Variants in USO1 observed in about 807,000 individuals in gnomAD.
USO1 encodes the protein general vesicular transport factor p115.
Under a neutral mutation model 124.5 loss-of-function variants are expected in USO1, and 57 were observed. The observed-to-expected ratio is 0.46, with a 90% CI of 0.37 to 0.57. The LOEUF is 0.57. Ranked by LOEUF, USO1 falls within the 20% of genes least tolerant of loss-of-function variation. The pLI is 0.00. For missense variants in USO1, 900 were observed against 1,040.6 expected, an observed-to-expected ratio of 0.86 and a Z score of 1.86; for synonymous variants, 369 against 362.8, an observed-to-expected ratio of 1.02 and a Z score of -0.19.
rs1209793167 is a variant in USO1 at position 75,776,441 on chromosome 4, T to C, written c.676+1645T>C. Among the ~76,000 whole-genome samples, 59 of 152,146 alleles carry C rather than the reference T, an allele frequency of 3.9e-4. 1 individual carries two copies. Among genetic ancestry groups the C allele is most frequent in the Non-Finnish European group, 2.9e-4 (20 of 68,024 alleles). The stretch of plus-strand genomic sequence containing the variant: ...AATGGAAGAGGGGAAATGCAAACTA[T>C]TGTAAAATGAAAAACTGGGAAAGCA... On this transcript the variant is annotated intron_variant, in intron 8 of 23. Transcript: ENST00000514213.
chr4:75,789,233 G>T (rs1722460029), intron 10 of USO1, among the ~76,000 whole-genome samples: 1 of 151,970 alleles, frequency 6.6e-6, no homozygotes. Context: ...TCAGTTCTGA[G>T]GATGTTTTTG....
chr4:75,796,876 T>A (rs1330401680), intron 13 of USO1, among the ~76,000 whole-genome samples: 1 of 23,276 alleles, frequency 4.3e-5, no homozygotes, highest in Non-Finnish European at 2.2e-4. Context: ...GAGTTACAGA[T>A]TTTTTTTTTT....
At position 75,813,477 on chromosome 4, in the gene USO1, G is replaced by A. The variant is rs1032650607; in HGVS notation, c.*182G>A. 11 of 517,028 alleles carry A rather than the reference G, an allele frequency of 2.1e-5. No homozygotes were observed. The highest frequency in any genetic ancestry group is 2.0e-5 in the African/African-American group (1 of 50,338). 32.0% of individuals were successfully genotyped at this position (517,028 alleles called of 1,614,324 possible). On this transcript the variant is annotated 3_prime_UTR_variant, in exon 24 of 24. Transcript: ENST00000514213. Reference sequence around the variant, plus strand: ...TTGAAAACCTTAAAACTGAATTTATGTAGAACACACATCTTTTATTTAAAT... The same window carrying A: ...TTGAAAACCTTAAAACTGAATTTATATAGAACACACATCTTTTATTTAAAT...
chr4:75,808,418 A>C (rs746197880), intron 20 of USO1, among the ~76,000 whole-genome samples: 1 of 152,150 alleles, frequency 6.6e-6, no homozygotes, highest in Non-Finnish European at 1.5e-5. Context: ...TATTTCTTAA[A>C]TAGTCTTTTA....
chr4:75,770,281 T>C, intron 4 of USO1, 158 bp from the exon 5 acceptor site: 11 of 517,176 alleles, frequency 2.1e-5, no homozygotes, highest in Non-Finnish European at 3.4e-5. Context: ...TTTAAGGATA[T>C]AGCTTTACAT....
At chr4:75,795,646 G>A (rs534179762) in intron 13 of USO1, among the ~76,000 whole-genome samples, 160 of 152,006 alleles carry the variant, frequency 1.1e-3, no homozygotes, top group African/African-American at 3.7e-3. Context: ...GGTTTTTTGT[G>A]TTTTTTCTCC....
chr4:75,755,066 A>G (rs1376790504), intron 3 of USO1, among the ~76,000 whole-genome samples: 1 of 152,192 alleles, frequency 6.6e-6, no homozygotes, highest in Non-Finnish European at 1.5e-5. Context: ...CAGTTCCTCA[A>G]CATGTTTCTC....
At chr4:75,791,942 G>T (rs961046935) in intron 12 of USO1, among the ~76,000 whole-genome samples, 1 of 151,396 alleles carries the variant, frequency 6.6e-6, no homozygotes, top group African/African-American at 2.4e-5. Flanking sequence ...GTAATTTTTT[G>T]GAATGTTACC....
chr4:75,759,223 A>G (rs1411515917), intron 4 of USO1, among the ~76,000 whole-genome samples: 2 of 115,516 alleles, frequency 1.7e-5, no homozygotes, highest in African/African-American at 3.6e-5. Context: ...ATAAACAGTA[A>G]TAGAATCACT....
chr4:75,812,070 T>C (rs1359396405), intron 22 of USO1, 90 bp from the exon 23 acceptor site: 1 of 1,526,882 alleles, frequency 6.5e-7, no homozygotes, highest in African/African-American at 1.4e-5. Context: ...ACAAGTACAG[T>C]GATTTGTCAT....
intron 1 of USO1, among the ~76,000 whole-genome samples, chr4:75,730,507 G>A (rs1577920733): frequency 6.6e-6 from 1 of 151,744 alleles, no homozygotes; most frequent in South Asian, 2.1e-4. Flanking sequence ...AGCATACTTA[G>A]GGAAAAATTG....
At chr4:75,772,177 G>T (rs1721950808) in intron 7 of USO1, among the ~76,000 whole-genome samples, 1 of 152,094 alleles carries the variant, frequency 6.6e-6, no homozygotes, top group African/African-American at 2.4e-5. Flanking sequence ...TTAAAATTTT[G>T]TAATATGTAT....
chr4:75,768,390 A>G (rs139033470), intron 4 of USO1, among the ~76,000 whole-genome samples: 59 of 152,290 alleles, frequency 3.9e-4, no homozygotes, highest in African/African-American at 1.3e-3. Context: ...GTTTTTGTTG[A>G]TGCTATTGAA....
intron 1 of USO1, among the ~76,000 whole-genome samples, chr4:75,752,058 C>T (rs1384488642): frequency 1.3e-5 from 2 of 152,152 alleles, no homozygotes; most frequent in Non-Finnish European, 2.9e-5. Flanking sequence ...TTATGCTCCC[C>T]TCCTGGTTCA....
intron 1 of USO1, among the ~76,000 whole-genome samples, chr4:75,750,734 C>T (rs1223376923): frequency 4.7e-4 from 35 of 74,922 alleles, no homozygotes; most frequent in Middle Eastern, 6.4e-3. Context: ...CCACCCACCT[C>T]GACCTCCCAA....
chr4:75,764,539 GT>G (rs1446152478), intron 4 of USO1, among the ~76,000 whole-genome samples: 38 of 152,156 alleles, frequency 2.5e-4, no homozygotes, highest in African/African-American at 9.2e-4. Context: ...TTGGTTAGTT[GT>G]TTATGTTTAC....
At chr4:75,749,063 CAGTT>C (rs1314577157) in intron 1 of USO1, among the ~76,000 whole-genome samples, 1 of 151,686 alleles carries the variant, frequency 6.6e-6, no homozygotes, top group African/African-American at 2.4e-5. Flanking sequence ...TAAATGTGAA[CAGTT>C]AGAATGAATA....
At chr4:75,732,420 C>T (rs187787495) in intron 1 of USO1, among the ~76,000 whole-genome samples, 1 of 152,244 alleles carries the variant, frequency 6.6e-6, no homozygotes, top group Non-Finnish European at 1.5e-5. Context: ...TGATGGACAC[C>T]TAGGTTGACT....
chr4:75,809,505 C>G (rs1723085589), intron 21 of USO1, among the ~76,000 whole-genome samples: 1 of 152,146 alleles, frequency 6.6e-6, no homozygotes, highest in Admixed American at 6.5e-5. Flanking sequence ...CAAGGAGAAA[C>G]CAGGCTGCAC....
Sources: allele counts gnomAD v4.1 joint callset (sites outside exome capture counted in the v4.1 genomes callset), GRCh38; gene constraint gnomAD v4.1.1; transcripts MANE v1.5; gene names NCBI Gene and HGNC (gene_info 2026-07-23, HGNC 2026-07-21).